Variants in PSG8 observed in about 807,000 individuals in gnomAD.
PSG8 encodes pregnancy specific beta-1-glycoprotein 8.
PSG8 carries 57 observed loss-of-function variants against 42.5 expected under a neutral mutation model. The observed-to-expected ratio is 1.34, with a 90% CI of 1.08 to 1.67. The LOEUF (loss-of-function observed/expected upper bound fraction) is 1.67. PSG8 is among the 40% of genes most tolerant of loss of function. PSG8 has a pLI of 0.00. For synonymous variants in PSG8, 280 were observed against 196.8 expected (o/e 1.42, Z -3.54); for missense variants, 783 against 518.6 (o/e 1.51, Z -4.95).
intron 2 of PSG8, among the ~76,000 whole-genome samples, chr19:42,761,143 C>T (rs751554297): frequency 1.3e-5 from 2 of 152,156 alleles, no homozygotes; most frequent in Non-Finnish European, 2.9e-5. Context: ...TGACAGGAAA[C>T]TAGCATGCCT....
At chr19:42,763,145 T>C (rs925554990) in intron 2 of PSG8, among the ~76,000 whole-genome samples, 1 of 152,166 alleles carries the variant, frequency 6.6e-6, no homozygotes, top group Non-Finnish European at 1.5e-5. Flanking sequence ...TATTATTAAT[T>C]TGCTTCCATG....
At chr19:42,764,759 T>C (rs1286861807) in intron 1 of PSG8, among the ~76,000 whole-genome samples, 1 of 152,072 alleles carries the variant, frequency 6.6e-6, no homozygotes, top group African/African-American at 2.4e-5. Flanking sequence ...TTCCCCTCCA[T>C]GACAGCGTGA....
chr19:42,754,814 C>G (rs1285656106), intron 4 of PSG8, 174 bp downstream of exon 4: 1 of 1,465,242 alleles, frequency 6.8e-7, no homozygotes, highest in Non-Finnish European at 9.1e-7. Context: ...CCCTTATACT[C>G]TTGGTTAAGG....
At chr19:42,765,430 A>C in intron 1 of PSG8, 88 bp downstream of exon 1, 1 of 1,578,108 alleles carries the variant, frequency 6.3e-7, no homozygotes, top group Non-Finnish European at 8.6e-7. Context: ...GGCTTCTTTC[A>C]TTTTTTAGTA....
intron 3 of PSG8, 31 bp from the exon 4 acceptor site, chr19:42,755,297 G>A: frequency 1.9e-6 from 3 of 1,592,734 alleles, no homozygotes; most frequent in Non-Finnish European, 2.6e-6. Context: ...AGATTGTCCT[G>A]TGTGGCACCT....
At chr19:42,762,090 C>T (rs1424498981) in intron 2 of PSG8, among the ~76,000 whole-genome samples, 1 of 151,414 alleles carries the variant, frequency 6.6e-6, no homozygotes, top group African/African-American at 2.4e-5. Context: ...GTGGGCCAGG[C>T]CACAGTGTTA....
rs1355872768 is a variant in PSG8, at chr19:42,754,622, A to G, written c.989-35T>C. 4 of 1,592,848 alleles carry G rather than the reference A, an allele frequency of 2.5e-6. No individual in the cohort carries two copies. The South Asian group carries it at 3.4e-5, about 13-fold the overall frequency. ...AGAGAATAAAGCCACAGGTGATGTC[A>G]TCTGAGGGAAGGGGATGTTCCTGGT... On this transcript the variant is annotated intron_variant, in intron 4 of 4. Coordinates refer to ENST00000306511, the MANE Select transcript of PSG8 (RefSeq NM_182707.3).
At chr19:42,757,825 A>G (rs1374071347) in intron 3 of PSG8, among the ~76,000 whole-genome samples, 177 bp downstream of exon 3, 1 of 151,982 alleles carries the variant, frequency 6.6e-6, no homozygotes, top group Non-Finnish European at 1.5e-5. Context: ...CTTTTCTCCT[A>G]TTGTTGATCA....
chr19:42,758,175 A>G lies in PSG8; in HGVS notation c.536T>C (p.Leu179Pro), dbSNP rs1347655808. Reference protein sequence around the residue: ...CDPETPDASYLWWMNGQSLPM... With the variant: ...CDPETPDASYPWWMNGQSLPM... ...GAGGCTCTGACCATTCATCCACCACAGGTAGCTTGCGTCCGGAGTCTCAGG... is the reference window on the plus strand; with the variant it reads ...GAGGCTCTGACCATTCATCCACCACGGGTAGCTTGCGTCCGGAGTCTCAGG... The change falls in exon 3 of 5, where the codon CTG becomes CCG. Residue 179 changes from leucine (L) to proline (P), a missense_variant. By Grantham distance (98) the Leu-to-Pro change is moderately conservative (BLOSUM62 -3). Coordinates refer to ENST00000306511, the MANE Select transcript of PSG8 (RefSeq NM_182707.3). 1 of 1,613,920 alleles carries G rather than the reference A, an allele frequency of 6.2e-7. No individual in the cohort carries two copies.
chr19:42,754,949 G>C (rs1969880070), intron 4 of PSG8, 39 bp downstream of exon 4: 2 of 1,490,308 alleles, frequency 1.3e-6, no homozygotes, highest in Admixed American at 3.7e-5. Flanking sequence ...TTTGATTTAA[G>C]CTGGTGTCCT....
At chr19:42,761,853 G>A (rs960024455) in intron 2 of PSG8, among the ~76,000 whole-genome samples, 3 of 4,004 alleles carry the variant, frequency 7.5e-4, no homozygotes, top group East Asian at 0.013. Flanking sequence ...TTTTTTTTTT[G>A]TGCAGGAGGC....
downstream of PSG8, among the ~76,000 whole-genome samples, chr19:42,753,713 C>G (rs1969837630): frequency 1.3e-5 from 2 of 152,154 alleles, no homozygotes; most frequent in Admixed American, 1.3e-4. Flanking sequence ...CAGACTTTGC[C>G]TGCAGTTCAT....
chr19:42,754,658 G>A, intron 4 of PSG8, 71 bp from the exon 5 acceptor site: 2 of 1,524,134 alleles, frequency 1.3e-6, no homozygotes, highest in South Asian at 1.3e-5. Context: ...CTCTTAAAGG[G>A]ACACAGTGAC....
rs1568374324 is a variant in PSG8 at position 42,755,005 on chromosome 19, A to G, written c.971T>C (p.Val324Ala). ...DQYGGIRSYPVTLNVLYGPDL... is the reference protein window; with the variant it reads ...DQYGGIRSYPATLNVLYGPDL... ...ATACTCACAGAGGACATTCAGGGTG[A>G]CTGGGTAACTGCGGATGCCACCATA... The change falls in exon 4 of 5, where the codon GTC becomes GCC. Residue 324 changes from valine (V) to alanine (A), a missense_variant. By Grantham distance (64) the Val-to-Ala change is moderately conservative. Transcript: ENST00000306511. 6.2e-7 allele frequency: 1 copy of G among 1,612,980 alleles called. No homozygotes were observed. The highest frequency in any genetic ancestry group is 1.3e-5 in the African/African-American group (1 of 74,986).
intron 3 of PSG8, among the ~76,000 whole-genome samples, chr19:42,757,777 A>G (rs906220193): frequency 6.6e-6 from 1 of 152,098 alleles, no homozygotes. Context: ...TCCCATCACA[A>G]GCTGTGGACG....
chr19:42,763,783 A>G, intron 2 of PSG8, 133 bp downstream of exon 2: 3 of 1,528,782 alleles, frequency 2.0e-6, no homozygotes, highest in Non-Finnish European at 2.7e-6. Context: ...GTCCTGCACT[A>G]AATGCCCAAA....
chr19:42,753,040 G>T (rs1450420741), downstream of PSG8: 3 of 568,140 alleles, frequency 5.3e-6, no homozygotes, highest in East Asian at 8.6e-5. Context: ...CCTGCCAAGT[G>T]AAAGAGGCAG....
chr19:42,764,034 A>C lies in PSG8; in HGVS notation c.312T>G (p.Asn104Lys). 1 of 1,613,758 alleles carries C rather than the reference A, an allele frequency of 6.2e-7. No individual in the cohort carries two copies. Among genetic ancestry groups the C allele is most frequent in the Non-Finnish European group, 8.5e-7 (1 of 1,179,856 alleles). Residue 104 changes from asparagine to lysine, a missense_variant, in exon 2 of 5, where the codon AAT becomes AAG. Asn to Lys is a moderately conservative substitution (Grantham distance 94). Coordinates refer to ENST00000306511, the MANE Select transcript of PSG8 (RefSeq NM_182707.3). The stretch of plus-strand genomic sequence containing the variant: ...TGACATTCTGGATCAGCAGGGATGC[A>C]TTGGAATATATTGTTTCTCGTCCAC... ...AYSGRETIYSNASLLIQNVTQ... is the reference protein window; with the variant it reads ...AYSGRETIYSKASLLIQNVTQ...
intron 2 of PSG8, among the ~76,000 whole-genome samples, chr19:42,759,573 T>G (rs891171720): frequency 6.6e-6 from 1 of 152,158 alleles, no homozygotes; most frequent in African/African-American, 2.4e-5. Context: ...GAGCACTTCT[T>G]TTTAGCATCA....
Sources: gnomAD v4.1 joint callset for allele counts (sites outside exome capture counted in the v4.1 genomes callset) on GRCh38, gnomAD v4.1.1 for gene constraint, MANE v1.5 for transcripts, NCBI Gene and HGNC (gene_info 2026-07-23, HGNC 2026-07-21) for gene names.